SCAPER: variants seen among roughly 807,000 people sequenced by gnomAD.
SCAPER encodes S-phase cyclin A associated protein in the ER.
A neutral mutation model predicts 182.2 loss-of-function variants in SCAPER; 98 were observed. That is an observed-to-expected ratio of 0.54 (90% CI 0.46 to 0.64). SCAPER has a LOEUF of 0.64. SCAPER is among the 30% of genes least tolerant of loss of function. The pLI is 0.00. For synonymous variants in SCAPER, 605 were observed against 564.6 expected (o/e 1.07, Z -1.01); for missense variants, 1,432 against 1,690.0 (o/e 0.85, Z 2.68).
intron 5 of SCAPER, among the ~76,000 whole-genome samples, chr15:76,806,668 T>G (rs1270076887): frequency 6.6e-6 from 1 of 152,252 alleles, no homozygotes; most frequent in African/African-American, 2.4e-5. Context: ...TGAAGTCTTC[T>G]GTTCATGAAT....
At chr15:76,435,437 G>A (rs2047138135) in intron 25 of SCAPER, among the ~76,000 whole-genome samples, 2 of 152,070 alleles carry the variant, frequency 1.3e-5, no homozygotes, top group Admixed American at 1.3e-4. Context: ...GAAATTTCCT[G>A]TCAAGTTCAT....
At chr15:76,766,826 G>A in intron 11 of SCAPER, 92 bp downstream of exon 11, 4 of 937,230 alleles carry the variant, frequency 4.3e-6, no homozygotes, top group Non-Finnish European at 6.3e-6. Context: ...ATTCTAAATA[G>A]GACTAGATGG....
intron 17 of SCAPER, among the ~76,000 whole-genome samples, chr15:76,711,344 G>C (rs1287153015): frequency 6.6e-6 from 1 of 152,080 alleles, no homozygotes; most frequent in East Asian, 1.9e-4. Flanking sequence ...TTAACAAAAT[G>C]ACCCAAATGA....
In SCAPER at chr15:76,348,680, C is replaced by T. The variant is rs1375976128; in HGVS notation, c.4156G>A (p.Ala1386Thr). 1.3e-6 allele frequency: 2 copies of T among 1,556,484 alleles called. No homozygotes were observed. The highest frequency in any genetic ancestry group is 1.7e-6 in the Non-Finnish European group (2 of 1,148,566). ...LELANRFPQQAWEEARQFFLK... is the reference protein window; with the variant it reads ...LELANRFPQQTWEEARQFFLK... ...AAAAACTGTCGAGCTTCTTCCCAGG[C>T]CTGCTGAGGAAATCTGTTAGCCAGC... The change falls in exon 32 of 32, where the codon GCC (alanine) becomes ACC (threonine). Residue 1386 changes from alanine to threonine, a missense_variant. By Grantham distance (58) the Ala-to-Thr change is moderately conservative. This residue lies in a region of SCAPER where 718 missense variants were observed against 799.7 expected (regional missense o/e 0.90). Transcript: ENST00000563290.
chr15:76,572,889 A>ACTCTCT (rs111882465), intron 23 of SCAPER, among the ~76,000 whole-genome samples: 1 of 142,832 alleles, frequency 7.0e-6, no homozygotes, highest in African/African-American at 2.6e-5. Flanking sequence ...GCTTGCGTGC[A>ACTCTCT]CTCTCTCTCT....
intron 17 of SCAPER, among the ~76,000 whole-genome samples, chr15:76,721,789 T>A (rs1242149940): frequency 6.6e-6 from 1 of 152,172 alleles, no homozygotes; most frequent in Non-Finnish European, 1.5e-5. Flanking sequence ...ATCCTGAGAC[T>A]TTGCTGAAGT....
chr15:76,855,888 A>G, intron 4 of SCAPER: 1 of 432,262 alleles, frequency 2.3e-6, no homozygotes, highest in Non-Finnish European at 4.7e-6. Flanking sequence ...TAAAAACAGA[A>G]ATACCATTCA....
intron 25 of SCAPER, among the ~76,000 whole-genome samples, chr15:76,457,051 G>A (rs2048790645): frequency 2.0e-5 from 3 of 151,532 alleles, no homozygotes; most frequent in Admixed American, 6.6e-5. Flanking sequence ...CCTTGTAACC[G>A]GAGGGCTTTA....
intron 1 of SCAPER, among the ~76,000 whole-genome samples, chr15:76,889,810 A>G (rs2074065730): frequency 6.6e-6 from 1 of 152,204 alleles, no homozygotes; most frequent in Non-Finnish European, 1.5e-5. Context: ...TCACCTTTGC[A>G]CCAAGCGGAC....
At chr15:76,545,864 T>C (rs563750194) in intron 23 of SCAPER, among the ~76,000 whole-genome samples, 1 of 152,272 alleles carries the variant, frequency 6.6e-6, no homozygotes, top group South Asian at 2.1e-4. Context: ...TATTTAACTC[T>C]ACTGCTGATA....
At chr15:76,764,435 G>A (rs1315524116) in intron 14 of SCAPER, among the ~76,000 whole-genome samples, 1 of 152,264 alleles carries the variant, frequency 6.6e-6, no homozygotes, top group Non-Finnish European at 1.5e-5. Context: ...ATGTGGCAAT[G>A]GGGGCCATGG....
intron 1 of SCAPER, among the ~76,000 whole-genome samples, chr15:76,902,916 C>G (rs1277706101): frequency 6.6e-6 from 1 of 152,032 alleles, no homozygotes. Flanking sequence ...AAAAAATTAG[C>G]CAGGCATGGT....
intron 25 of SCAPER, among the ~76,000 whole-genome samples, chr15:76,466,416 CTTCTTTTTT>C (rs1425007006): frequency 8.2e-5 from 3 of 36,796 alleles, no homozygotes; most frequent in Non-Finnish European, 2.0e-4. Flanking sequence ...TTGGTTGGTT[CTTCTTTTTT>C]TTTTTTTTTT....
chr15:76,395,613 C>A (rs188665722), intron 27 of SCAPER, among the ~76,000 whole-genome samples: 1 of 152,084 alleles, frequency 6.6e-6, no homozygotes, highest in Non-Finnish European at 1.5e-5. Flanking sequence ...TGTTGAGCAC[C>A]TTTTCATATG....
At chr15:76,515,739 T>C (rs534221792) in intron 23 of SCAPER, among the ~76,000 whole-genome samples, 44 of 152,344 alleles carry the variant, frequency 2.9e-4, no homozygotes, top group African/African-American at 1.0e-3. Flanking sequence ...ACAAACTAGA[T>C]TGCGAGGTCT....
chr15:76,653,470 A>T (rs1479398962), intron 21 of SCAPER, among the ~76,000 whole-genome samples: 4 of 152,224 alleles, frequency 2.6e-5, no homozygotes, highest in Non-Finnish European at 5.9e-5. Context: ...GCTATACTAT[A>T]AAGCCACAGT....
intron 25 of SCAPER, among the ~76,000 whole-genome samples, chr15:76,462,749 C>A (rs2049289476): frequency 6.6e-6 from 1 of 152,110 alleles, no homozygotes; most frequent in Non-Finnish European, 1.5e-5. Flanking sequence ...GAGTTAAAAT[C>A]TGGCCCATGT....
chr15:76,471,712 C>T (rs1487891028), intron 24 of SCAPER, among the ~76,000 whole-genome samples: 1 of 152,128 alleles, frequency 6.6e-6, no homozygotes, highest in Non-Finnish European at 1.5e-5. Flanking sequence ...GCTTCTGTTG[C>T]CAGATCACCT....
chr15:76,676,452 A>G (rs946297040), intron 20 of SCAPER, among the ~76,000 whole-genome samples: 2 of 152,204 alleles, frequency 1.3e-5, no homozygotes, highest in Non-Finnish European at 2.9e-5. Context: ...TAAACAGTCA[A>G]CTAGTCTTAT....
Sources: gnomAD v4.1 joint callset for allele counts (sites outside exome capture counted in the v4.1 genomes callset) on GRCh38, gnomAD v4.1.1 for gene constraint, gnomAD v4.1.1 regional missense constraint, MANE v1.5 for transcripts, NCBI Gene and HGNC (gene_info 2026-07-23, HGNC 2026-07-21) for gene names.